Variants in TRPM3 observed in about 807,000 individuals in gnomAD.
The protein encoded by TRPM3 is long transient receptor potential channel 3.
In TRPM3, 77 loss-of-function variants were observed where a neutral mutation model predicts 181.2. That is an observed-to-expected ratio of 0.42 (90% confidence interval 0.35 to 0.51). TRPM3 has a LOEUF of 0.51. Among genes scored for constraint, TRPM3 ranks in the 20% least tolerant of loss-of-function variants. The pLI is 0.01. For synonymous variants in TRPM3, 745 were observed against 796.4 expected, an observed-to-expected ratio of 0.94 and a Z score of 1.09; for missense variants, 1,759 against 2,196.7, an observed-to-expected ratio of 0.80 and a Z score of 3.98.
intron 1 of TRPM3, among the ~76,000 whole-genome samples, chr9:71,255,558 T>G (rs1391200543): frequency 1.3e-5 from 2 of 152,160 alleles, no homozygotes; most frequent in African/African-American, 4.8e-5. Context: ...TATATACAAA[T>G]GTAAGGTAAA....
intron 1 of TRPM3, among the ~76,000 whole-genome samples, chr9:71,361,861 G>T (rs543063268): frequency 1.3e-5 from 2 of 151,876 alleles, no homozygotes; most frequent in Admixed American, 1.3e-4. Context: ...ATCCCTGATC[G>T]GGTTCAAATA....
At chr9:71,398,135 A>G (rs1204081293) in intron 1 of TRPM3, among the ~76,000 whole-genome samples, 3 of 152,198 alleles carry the variant, frequency 2.0e-5, no homozygotes, top group African/African-American at 7.2e-5. Flanking sequence ...CATCAATTTA[A>G]TTATACAGTA....
chr9:71,435,062 C>T (rs1029115103), intron 1 of TRPM3, among the ~76,000 whole-genome samples: 1 of 151,914 alleles, frequency 6.6e-6, no homozygotes, highest in African/African-American at 2.4e-5. Flanking sequence ...TAAGAATATT[C>T]AAAAAATTAT....
chr9:70,586,026 T>C (rs1013789075), intron 22 of TRPM3, among the ~76,000 whole-genome samples: 4 of 152,318 alleles, frequency 2.6e-5, no homozygotes, highest in Admixed American at 2.6e-4. Context: ...AGGCCATTCT[T>C]CTCTCCTTAC....
At chr9:71,407,849 G>A (rs1249828247) in intron 1 of TRPM3, among the ~76,000 whole-genome samples, 3 of 152,182 alleles carry the variant, frequency 2.0e-5, no homozygotes, top group African/African-American at 7.2e-5. Flanking sequence ...ACCTCATACA[G>A]CCGGGTGCCC....
chr9:71,420,801 A>AGAGAAAGAG (rs1565557524), intron 1 of TRPM3, among the ~76,000 whole-genome samples: 1 of 2,792 alleles, frequency 3.6e-4, no homozygotes, highest in African/African-American at 1.2e-3. Context: ...GAGAGAAAGA[A>AGAGAAAGAG]AGAGAGAAAG....
chr9:71,154,953 CTT>C (rs1353561092), intron 1 of TRPM3, among the ~76,000 whole-genome samples: 2 of 152,086 alleles, frequency 1.3e-5, no homozygotes, highest in African/African-American at 4.8e-5. Flanking sequence ...TTATCTTAAA[CTT>C]TTTTTGACAG....
intron 6 of TRPM3, among the ~76,000 whole-genome samples, chr9:70,820,172 G>A (rs1178990853): frequency 6.6e-6 from 1 of 152,100 alleles, no homozygotes; most frequent in Non-Finnish European, 1.5e-5. Flanking sequence ...TGAGGCAGGA[G>A]GGACAACTAC....
At chr9:70,635,065 A>G (rs1456031115) in intron 12 of TRPM3, 146 bp downstream of exon 12, 1 of 611,830 alleles carries the variant, frequency 1.6e-6, no homozygotes, top group African/African-American at 2.1e-5. Flanking sequence ...ACACATACAC[A>G]CACACACACA....
At chr9:71,009,787 A>T (rs1013938454) in intron 1 of TRPM3, among the ~76,000 whole-genome samples, 1 of 152,222 alleles carries the variant, frequency 6.6e-6, no homozygotes, top group East Asian at 1.9e-4. Context: ...CTTGAACATA[A>T]TTAACAAAGC....
At chr9:71,311,131 T>C (rs1023873328) in intron 1 of TRPM3, among the ~76,000 whole-genome samples, 5 of 152,092 alleles carry the variant, frequency 3.3e-5, no homozygotes, top group African/African-American at 4.8e-5. Flanking sequence ...AAAGAAAATA[T>C]AGTATCCTAA....
intron 1 of TRPM3, among the ~76,000 whole-genome samples, chr9:71,156,800 A>G (rs1044359347): frequency 6.6e-6 from 1 of 152,104 alleles, no homozygotes; most frequent in Non-Finnish European, 1.5e-5. Flanking sequence ...GCAAAGTCTA[A>G]TGGAAGAATA....
intron 1 of TRPM3, among the ~76,000 whole-genome samples, chr9:71,167,491 C>T (rs2076597161): frequency 6.6e-6 from 1 of 152,160 alleles, no homozygotes; most frequent in South Asian, 2.1e-4. Flanking sequence ...CAAAAAAACA[C>T]ACTTCTTTCT....
chr9:71,046,519 T>C (rs2059459240), intron 1 of TRPM3, among the ~76,000 whole-genome samples: 1 of 152,220 alleles, frequency 6.6e-6, no homozygotes, highest in African/African-American at 2.4e-5. Flanking sequence ...TTTAAGTATC[T>C]AAATATTGTT....
intron 1 of TRPM3, among the ~76,000 whole-genome samples, chr9:71,007,270 C>T (rs2097689879): frequency 1.3e-5 from 2 of 151,620 alleles, no homozygotes; most frequent in African/African-American, 4.8e-5. Context: ...AGTGTGGGTA[C>T]TTCACCACCC....
intron 1 of TRPM3, among the ~76,000 whole-genome samples, chr9:71,067,333 G>A (rs2062058314): frequency 6.6e-6 from 1 of 152,152 alleles, no homozygotes; most frequent in African/African-American, 2.4e-5. Context: ...AGAGATAACT[G>A]CTGTTGATCT....
chr9:70,582,633 G>T (rs1255709165), intron 22 of TRPM3, among the ~76,000 whole-genome samples: 6 of 149,800 alleles, frequency 4.0e-5, no homozygotes. Flanking sequence ...TAATTAAAAA[G>T]AAAAAAATTA....
At chr9:71,399,423 AAT>A (rs1277906082) in intron 1 of TRPM3, among the ~76,000 whole-genome samples, 2 of 152,134 alleles carry the variant, frequency 1.3e-5, no homozygotes, top group African/African-American at 4.8e-5. Flanking sequence ...TTATGTATTC[AAT>A]ATAGATTCAA....
At chr9:70,903,900 T>C (rs117170369) in intron 1 of TRPM3, among the ~76,000 whole-genome samples, 3,024 of 152,284 alleles carry the variant, frequency 0.02, 52 homozygotes, top group East Asian at 0.048. Flanking sequence ...TAGAATTGTA[T>C]AGGATTTTAA....
Sources: gnomAD v4.1 joint callset for allele counts (sites outside exome capture counted in the v4.1 genomes callset) on GRCh38, gnomAD v4.1.1 for gene constraint, MANE v1.5 for transcripts, NCBI Gene and HGNC (gene_info 2026-07-23, HGNC 2026-07-21) for gene names.